Variants in NNT observed in about 807,000 individuals in gnomAD.
NNT encodes the protein nicotinamide nucleotide transhydrogenase.
A neutral mutation model predicts 104.8 loss-of-function variants in NNT; 50 were observed. That is an observed-to-expected ratio of 0.48 (90% CI 0.38 to 0.60). The LOEUF is 0.60. Ranked by LOEUF, NNT falls within the 20% of genes least tolerant of loss-of-function variation. The pLI, the probability that NNT is intolerant of heterozygous loss-of-function variation, is 0.00. For synonymous variants in NNT, 461 were observed against 490.4 expected (o/e 0.94, Z 0.79); for missense variants, 1,131 against 1,330.7 (o/e 0.85, Z 2.33).
intron 14 of NNT, among the ~76,000 whole-genome samples, chr5:43,655,031 C>T (rs994589819): frequency 2.0e-5 from 3 of 152,204 alleles, no homozygotes; most frequent in African/African-American, 7.2e-5. Context: ...TGGGTATTTA[C>T]TGCCCAGATT....
intron 19 of NNT, among the ~76,000 whole-genome samples, chr5:43,695,218 A>C (rs1428012113): frequency 6.6e-6 from 1 of 152,248 alleles, no homozygotes; most frequent in Non-Finnish European, 1.5e-5. Context: ...TTGTCTGGGC[A>C]AAATAAATCA....
chr5:43,632,594 T>C (rs1446593115), intron 7 of NNT, among the ~76,000 whole-genome samples: 1 of 152,204 alleles, frequency 6.6e-6, no homozygotes, highest in Non-Finnish European at 1.5e-5. Context: ...GAGTGATGGG[T>C]TAAAGGTGAG....
intron 20 of NNT, 149 bp from the exon 21 acceptor site, chr5:43,702,472 T>C: frequency 1.9e-6 from 1 of 522,740 alleles, no homozygotes; most frequent in Middle Eastern, 5.1e-4. Flanking sequence ...ACCTCTCTGA[T>C]AAAGTTCTTT....
At chr5:43,662,283 T>C (rs1268555606) in intron 17 of NNT, among the ~76,000 whole-genome samples, 1 of 152,218 alleles carries the variant, frequency 6.6e-6, no homozygotes, top group African/African-American at 2.4e-5. Flanking sequence ...CAGTAACTCT[T>C]CTGTAACACT....
At chr5:43,680,322 C>A (rs1486196488) in intron 19 of NNT, among the ~76,000 whole-genome samples, 2 of 151,930 alleles carry the variant, frequency 1.3e-5, no homozygotes, top group Non-Finnish European at 2.9e-5. Flanking sequence ...GAGATGGCTG[C>A]AGCAGTTACC....
At chr5:43,684,378 T>C (rs971542217) in intron 19 of NNT, among the ~76,000 whole-genome samples, 1 of 152,196 alleles carries the variant, frequency 6.6e-6, no homozygotes, top group South Asian at 2.1e-4. Context: ...ATGAACACTT[T>C]TTTTTCACTA....
intron 7 of NNT, among the ~76,000 whole-genome samples, chr5:43,634,530 C>T (rs1296102983): frequency 6.6e-6 from 1 of 152,092 alleles, no homozygotes; most frequent in African/African-American, 2.4e-5. Context: ...ATTCCCAATT[C>T]TTTTATATTA....
At chr5:43,639,568 G>A (rs1041873710) in intron 7 of NNT, among the ~76,000 whole-genome samples, 1 of 152,106 alleles carries the variant, frequency 6.6e-6, no homozygotes, top group Non-Finnish European at 1.5e-5. Flanking sequence ...ACTTTTAGTT[G>A]TAAAATATTA....
At chr5:43,604,128 G>A (rs750235190) in intron 1 of NNT, among the ~76,000 whole-genome samples, 6 of 152,214 alleles carry the variant, frequency 3.9e-5, no homozygotes, top group Middle Eastern at 3.2e-3. Context: ...GCCGAAGCTG[G>A]CTCAGTAGGG....
At chr5:43,699,515 G>A (rs768995224) in intron 19 of NNT, among the ~76,000 whole-genome samples, 9 of 151,790 alleles carry the variant, frequency 5.9e-5, no homozygotes, top group Non-Finnish European at 1.2e-4. Context: ...CATCATGCCC[G>A]GCTAATTTTT....
At chr5:43,649,745 A>T (rs142092327) in intron 11 of NNT, among the ~76,000 whole-genome samples, 1 of 152,276 alleles carries the variant, frequency 6.6e-6, no homozygotes, top group Non-Finnish European at 1.5e-5. Context: ...CCATGAAGCT[A>T]TGGGACAGGA....
At chr5:43,646,447 G>A (rs894978791) in intron 10 of NNT, among the ~76,000 whole-genome samples, 10 of 150,984 alleles carry the variant, frequency 6.6e-5, no homozygotes, top group Admixed American at 4.0e-4. Flanking sequence ...ATGCCACCAC[G>A]CCCAGCTAAT....
intron 19 of NNT, among the ~76,000 whole-genome samples, chr5:43,698,937 C>A (rs1483216440): frequency 3.3e-5 from 5 of 150,310 alleles, no homozygotes; most frequent in African/African-American, 1.2e-4. Context: ...ATGGATTAGA[C>A]CTTAGAAGGG....
In NNT at chr5:43,665,695, C is replaced by T. The variant is rs367940605; in HGVS notation, c.2634+6345C>T. Among the ~76,000 whole-genome samples the T allele has an allele frequency of 1.4e-3, 208 of 145,810 alleles. 1 individual carries two copies. Among genetic ancestry groups the T allele is most frequent in the African/African-American group, 4.4e-3 (182 of 41,352 alleles). ...TCCCCACATTTCCCCCTTTTCTATT[C>T]GACAAAACCGCCATCGTCATCATGG... On this transcript the variant is annotated intron_variant, in intron 17 of 21. Transcript: ENST00000344920.
At position 43,644,322 on chromosome 5, in the gene NNT, T is replaced by C. The variant is rs781118974; in HGVS notation, c.1095T>C (p.His365=). 2 of 1,613,254 alleles carry C rather than the reference T, an allele frequency of 1.2e-6. No individual in the cohort carries two copies. Among genetic ancestry groups the C allele is most frequent in the Non-Finnish European group, 1.7e-6 (2 of 1,179,870 alleles). Residue 365 remains histidine (H), a synonymous_variant, in exon 8 of 22, where the codon CAT becomes CAC. Transcript: ENST00000344920. The part of the protein sequence containing the change: ...ETTKPGELYI[H]KGITHIGYTD... ...CTAAGCCAGGAGAACTCTACATTCA[T>C]AAGGTATAGCAAGATGCGTTTTCTA...
chr5:43,684,413 G>A (rs1741876673), intron 19 of NNT, among the ~76,000 whole-genome samples: 1 of 152,084 alleles, frequency 6.6e-6, no homozygotes, highest in South Asian at 2.1e-4. Context: ...GAATTCATCA[G>A]AACGGCTGCT....
At chr5:43,680,634 T>G (rs1741654858) in intron 19 of NNT, among the ~76,000 whole-genome samples, 1 of 152,346 alleles carries the variant, frequency 6.6e-6, no homozygotes, top group Non-Finnish European at 1.5e-5. Context: ...ATGATTGATT[T>G]AGAGACACTC....
At position 43,648,046 on chromosome 5, in the gene NNT, T is replaced by A. The variant is rs1580035774; in HGVS notation, c.1445-1101T>A. 2.5e-6 allele frequency: 3 copies of A among 1,220,576 alleles called. No individual in the cohort carries two copies. In the East Asian group the frequency reaches 1.7e-4, roughly 69 times the overall value. 75.6% of individuals were successfully genotyped at this position (1,220,576 alleles called of 1,614,324 possible). On this transcript the variant is annotated intron_variant, in intron 10 of 21. Coordinates refer to ENST00000344920, the MANE Select transcript of NNT (RefSeq NM_182977.3). ...AACCAGGATTCAAACCAGACTGACT[T>A]AAGAAAACATATTCTTATTCACAAC...
chr5:43,606,130 A>G lies in NNT; in HGVS notation c.-54+2836A>G, dbSNP rs142551665. ...AACAGTAAGTGAGTGGCAGATTTGG[A>G]CAATACAGGACTCTATTAAAGCTCA... On this transcript the variant is annotated intron_variant, in intron 1 of 21. Transcript: ENST00000344920. Among the ~76,000 whole-genome samples the G allele has an allele frequency of 4.7e-3, 717 of 152,244 alleles. 6 individuals are homozygous for G. Among genetic ancestry groups the G allele is most frequent in the South Asian group, 0.019 (90 of 4,822 alleles).
Sources: gnomAD v4.1 joint callset for allele counts (sites outside exome capture counted in the v4.1 genomes callset) on GRCh38, gnomAD v4.1.1 for gene constraint, MANE v1.5 for transcripts, NCBI Gene and HGNC (gene_info 2026-07-23, HGNC 2026-07-21) for gene names.